Variants in CSRNP3 observed in about 807,000 individuals in gnomAD.
CSRNP3 encodes cysteine/serine-rich nuclear protein 3.
A neutral mutation model predicts 48.0 loss-of-function variants in CSRNP3; 12 were observed. That is an observed-to-expected ratio of 0.25 (90% CI 0.16 to 0.41). The LOEUF (loss-of-function observed/expected upper bound fraction) is 0.41, where lower values mean the gene tolerates loss of function less well. CSRNP3 is among the 10% of genes least tolerant of loss of function. CSRNP3 has a pLI of 1.00. For synonymous variants in CSRNP3, 263 were observed against 269.7 expected, an observed-to-expected ratio of 0.98 and a Z score of 0.24; for missense variants, 580 against 724.4, an observed-to-expected ratio of 0.80 and a Z score of 2.29.
At chr2:165,580,859 G>GT (rs1230416435) in intron 3 of CSRNP3, among the ~76,000 whole-genome samples, 33 of 128,254 alleles carry the variant, frequency 2.6e-4, no homozygotes, top group African/African-American at 6.3e-4. Context: ...ATCCATGTGT[G>GT]TTTTGTTTTT....
Position 165,685,900 on chromosome 2 carries a change from C to A in CSRNP3, c.*6147C>A, listed in dbSNP as rs145048539. On this transcript the variant is annotated 3_prime_UTR_variant, in exon 7 of 7. Coordinates refer to ENST00000651982, the MANE Select transcript of CSRNP3 (RefSeq NM_001172173.2). ...TGATAGTTAAGTTCATTCGTTAACT[C>A]ATTTTAGTGACATGTGAGGCCATTT... The A allele has an allele frequency of 6.6e-6, 1 of 152,172 alleles. No homozygotes were observed. Among genetic ancestry groups the A allele is most frequent in the Non-Finnish European group, 1.5e-5 (1 of 67,968 alleles). 9.4% of individuals were successfully genotyped at this position (152,172 alleles called of 1,614,324 possible). A position where few individuals can be genotyped will look rare whatever the true frequency, so the allele number is the denominator to read the frequency against.
rs772224445 is a variant in CSRNP3 at position 165,679,656 on chromosome 2, C to G, written c.1661C>G (p.Ser554Ter). 5 of 1,614,154 alleles carry G rather than the reference C, an allele frequency of 3.1e-6. No individual in the cohort carries two copies. Among genetic ancestry groups the G allele is most frequent in the Non-Finnish European group, 4.2e-6 (5 of 1,180,012 alleles). The stretch of plus-strand genomic sequence containing the variant: ...GCATTGAATGGTGACAGTCACATTT[C>G]AGAGCATCCTGCTGAAAATTCTTTG... ...VSALNGDSHI[S>*]EHPAENSLSL... Residue 554 changes from serine (S) to a stop codon, truncating the protein, a stop_gained, in exon 7 of 7, where the codon TCA (serine) becomes TGA (stop). Transcript: ENST00000651982. LOFTEE classifies it high-confidence loss of function.
chr2:165,659,587 T>C (rs1216696540), intron 5 of CSRNP3, among the ~76,000 whole-genome samples: 1 of 152,056 alleles, frequency 6.6e-6, no homozygotes, highest in Non-Finnish European at 1.5e-5. Flanking sequence ...ACTTTAGAGA[T>C]TAAATGGAGA....
intron 4 of CSRNP3, among the ~76,000 whole-genome samples, chr2:165,625,879 C>T (rs776721966): frequency 1.8e-4 from 25 of 139,706 alleles, no homozygotes; most frequent in Admixed American, 3.8e-4. Flanking sequence ...TGCAGTGAGC[C>T]GAGATCACAC....
intron 4 of CSRNP3, among the ~76,000 whole-genome samples, chr2:165,638,268 C>A (rs1043963681): frequency 6.6e-6 from 1 of 152,176 alleles, no homozygotes; most frequent in African/African-American, 2.4e-5. Context: ...TCAAGACCAG[C>A]CTGACCAACA....
intron 3 of CSRNP3, among the ~76,000 whole-genome samples, chr2:165,567,597 A>G (rs1685315301): frequency 6.6e-6 from 1 of 151,716 alleles, no homozygotes; most frequent in South Asian, 2.1e-4. Context: ...AAAGGGTAAA[A>G]CTCCAGTAGG....
intron 6 of CSRNP3, 122 bp downstream of exon 6, chr2:165,676,730 G>T (rs1687432536): frequency 2.8e-6 from 2 of 717,114 alleles, no homozygotes; most frequent in Non-Finnish European, 4.6e-6. Context: ...GGCAAGGCAA[G>T]ACATGTAATT....
At chr2:165,622,604 A>C (rs899496338) in intron 4 of CSRNP3, among the ~76,000 whole-genome samples, 2 of 152,274 alleles carry the variant, frequency 1.3e-5, no homozygotes, top group Admixed American at 6.5e-5. Flanking sequence ...CATATTTAAC[A>C]CTGTTTCTAT....
rs760212429 is a variant in CSRNP3, at chr2:165,679,043, A to G, written c.1048A>G (p.Ser350Gly). Residue 350 changes from serine to glycine, a missense_variant, in exon 7 of 7, where the codon AGC becomes GGC. Coordinates refer to ENST00000651982, the MANE Select transcript of CSRNP3 (RefSeq NM_001172173.2). Reference protein sequence around the residue: ...GEEEEEEEDGSSFCSGVTDSS... With the variant: ...GEEEEEEEDGGSFCSGVTDSS... ...GGAGGAGGAAGAAGAGGAGGATGGG[A>G]GCAGCTTTTGCAGCGGAGTCACAGA... 3.7e-6 allele frequency: 6 copies of G among 1,613,910 alleles called. No homozygotes were observed. The highest frequency in any genetic ancestry group is 5.1e-6 in the Non-Finnish European group (6 of 1,179,958).
At chr2:165,632,909 A>C (rs1307734441) in intron 4 of CSRNP3, among the ~76,000 whole-genome samples, 4 of 152,254 alleles carry the variant, frequency 2.6e-5, no homozygotes, top group Non-Finnish European at 5.9e-5. Context: ...TCCAGAAGGG[A>C]ATAAAGCCTG....
chr2:165,540,400 A>G (rs756145514), intron 3 of CSRNP3, among the ~76,000 whole-genome samples: 2 of 152,056 alleles, frequency 1.3e-5, no homozygotes, highest in Non-Finnish European at 2.9e-5. Flanking sequence ...TCTATTTGGT[A>G]GTCTTTTACC....
chr2:165,484,458 T>C (rs1684086612), intron 1 of CSRNP3, among the ~76,000 whole-genome samples: 1 of 152,174 alleles, frequency 6.6e-6, no homozygotes, highest in Non-Finnish European at 1.5e-5. Flanking sequence ...ATTGAGAAAC[T>C]TCTGACTTCT....
chr2:165,666,946 G>GAAAGAGAGGAAGGAAGGAAGGAA (rs1558968108), intron 5 of CSRNP3, among the ~76,000 whole-genome samples: 8 of 112,780 alleles, frequency 7.1e-5, no homozygotes, highest in Non-Finnish European at 1.4e-4. Flanking sequence ...AAGAAAGAAA[G>GAAAGAGAGGAAGGAAGGAAGGAA]AGAGAGAGGA....
intron 4 of CSRNP3, among the ~76,000 whole-genome samples, chr2:165,620,280 C>T (rs1373322942): frequency 6.6e-6 from 1 of 152,092 alleles, no homozygotes; most frequent in African/African-American, 2.4e-5. Flanking sequence ...AAGAATCAAA[C>T]ATTGCCTGGA....
intron 3 of CSRNP3, among the ~76,000 whole-genome samples, chr2:165,587,457 A>T (rs1685650554): frequency 6.6e-6 from 1 of 152,232 alleles, no homozygotes; most frequent in Non-Finnish European, 1.5e-5. Context: ...CTCTCGGCCT[A>T]ATGGCCACGT....
chr2:165,633,064 C>A (rs1018680605), intron 4 of CSRNP3, among the ~76,000 whole-genome samples: 8 of 152,250 alleles, frequency 5.3e-5, no homozygotes, highest in African/African-American at 1.7e-4. Context: ...TAGCAAAAAA[C>A]CACCTAAGTG....
intron 4 of CSRNP3, among the ~76,000 whole-genome samples, chr2:165,632,089 A>G (rs889416531): frequency 6.6e-6 from 1 of 152,380 alleles, no homozygotes; most frequent in Middle Eastern, 3.4e-3. Context: ...TATGACTATC[A>G]TCACACTAAA....
intron 4 of CSRNP3, among the ~76,000 whole-genome samples, chr2:165,601,420 A>G (rs1441294479): frequency 6.6e-6 from 1 of 152,208 alleles, no homozygotes; most frequent in Non-Finnish European, 1.5e-5. Flanking sequence ...AAGTAAAAGG[A>G]TACACATTCT....
chr2:165,646,832 C>A (rs1268414305), intron 4 of CSRNP3, among the ~76,000 whole-genome samples: 1 of 151,918 alleles, frequency 6.6e-6, no homozygotes, highest in African/African-American at 2.4e-5. Context: ...TAACAACTAC[C>A]TTTTTTTCCC....
Sources: allele counts gnomAD v4.1 joint callset (sites outside exome capture counted in the v4.1 genomes callset), GRCh38; gene constraint gnomAD v4.1.1; transcripts MANE v1.5; gene names NCBI Gene and HGNC (gene_info 2026-07-23, HGNC 2026-07-21).